PCDH11X: variants seen among roughly 807,000 people sequenced by gnomAD.
PCDH11X encodes the protein protocadherin 11 X-linked, also known as protocadherin-11 X-linked.
PCDH11X carries 18 observed loss-of-function variants against 53.3 expected under a neutral mutation model. The ratio of observed to expected loss-of-function variants is 0.34; its 90% CI spans 0.23 to 0.50. The LOEUF is 0.50. Ranked by LOEUF, PCDH11X falls within the 20% of genes least tolerant of loss-of-function variation. The probability of loss-of-function intolerance (pLI) is 0.98; values close to 1 mark genes in which losing one functional copy is unlikely to be tolerated. For missense variants in PCDH11X, 570 were observed against 1,032.4 expected (o/e 0.55, Z 6.14); for synonymous variants, 279 against 393.3 (o/e 0.71, Z 3.44).
chrX:92,021,954 C>T (rs1291549464), intron 6 of PCDH11X, among the ~76,000 whole-genome samples: 2 of 108,059 alleles, frequency 1.9e-5, no homozygotes, highest in African/African-American at 6.8e-5. Context: ...AAAATCTGTT[C>T]CAGACAAGCA....
At chrX:92,356,357 C>T in intron 8 of PCDH11X, among the ~76,000 whole-genome samples, 1 of 103,921 alleles carries the variant, frequency 9.6e-6, no homozygotes, top group Non-Finnish European at 2.0e-5. Flanking sequence ...TCTAATATGC[C>T]TGGCTATATG....
At chrX:92,419,655 CCCCT>C (rs1293881951) in intron 9 of PCDH11X, among the ~76,000 whole-genome samples, 1 of 99,394 alleles carries the variant, frequency 1.0e-5, no homozygotes, top group Non-Finnish European at 2.0e-5. Context: ...GTTTCTCTCT[CCCCT>C]CCCTCCACCC....
chrX:92,323,554 CT>C (rs898089682), intron 8 of PCDH11X, among the ~76,000 whole-genome samples: 2 of 108,713 alleles, frequency 1.8e-5, no homozygotes, highest in African/African-American at 6.7e-5. Flanking sequence ...TACTGGCTTT[CT>C]TTTTTTTTAA....
At chrX:92,444,030 T>C (rs1288436671) in intron 9 of PCDH11X, among the ~76,000 whole-genome samples, 7 of 111,028 alleles carry the variant, frequency 6.3e-5, no homozygotes, top group Non-Finnish European at 7.6e-5. Context: ...TTGTACCATA[T>C]GAATTTTAGA....
At chrX:92,524,221 G>T (rs1157004531) in intron 10 of PCDH11X, among the ~76,000 whole-genome samples, 1 of 105,221 alleles carries the variant, frequency 9.5e-6, no homozygotes, top group Non-Finnish European at 1.9e-5. Context: ...TTAAACAAAA[G>T]ATCTCTTTTC....
chrX:92,309,213 A>G (rs1167547164), intron 8 of PCDH11X, among the ~76,000 whole-genome samples: 1 of 112,445 alleles, frequency 8.9e-6, no homozygotes. Flanking sequence ...ACATTTTCAT[A>G]ACAGCAAAGA....
chrX:92,398,147 A>G (rs1408432550), intron 9 of PCDH11X, among the ~76,000 whole-genome samples: 1 of 112,046 alleles, frequency 8.9e-6, no homozygotes, highest in Non-Finnish European at 1.9e-5. Flanking sequence ...ATGGCGAAAG[A>G]TCTTAAACAA....
At chrX:92,331,536 C>T (rs2069490326) in intron 8 of PCDH11X, among the ~76,000 whole-genome samples, 1 of 107,063 alleles carries the variant, frequency 9.3e-6, no homozygotes, top group Non-Finnish European at 1.9e-5. Context: ...CTTTTGGTTT[C>T]GTTGGGAAAA....
In PCDH11X at chrX:92,484,171, ATATATG is replaced by A. The variant is rs757234661; in HGVS notation, c.3367+15853_3367+15858del. Among the ~76,000 whole-genome samples the A allele has an allele frequency of 1.4e-3, 70 of 50,168 alleles. No individual in the cohort carries two copies. In the South Asian group the frequency reaches 0.024, roughly 17 times the overall value. 43.6% of individuals were successfully genotyped at this position (50,168 alleles called of 115,157 possible). A position where few individuals can be genotyped will look rare whatever the true frequency, so the allele number is the denominator to read the frequency against. On this transcript the variant is annotated intron_variant, in intron 10 of 10. Coordinates refer to ENST00000682573, the MANE Select transcript of PCDH11X (RefSeq NM_032968.5). ...TATATGTATATATGTATATATGTAT[ATATATG>A]TATGTATATATATGTATATATGTAT...
At chrX:91,922,038 T>C (rs1200423662) in intron 6 of PCDH11X, among the ~76,000 whole-genome samples, 4 of 111,118 alleles carry the variant, frequency 3.6e-5, no homozygotes, top group Middle Eastern at 4.7e-3. Flanking sequence ...ATAAAATGTA[T>C]AGTTTTTAAA....
At chrX:91,839,385 G>A (rs1422652063) in intron 5 of PCDH11X, among the ~76,000 whole-genome samples, 1 of 106,807 alleles carries the variant, frequency 9.4e-6, no homozygotes, top group African/African-American at 3.4e-5. Context: ...AGGCTGAGGC[G>A]GGTGGATTAC....
intron 10 of PCDH11X, among the ~76,000 whole-genome samples, chrX:92,531,561 GAA>G (rs2074555281): frequency 9.1e-6 from 1 of 109,296 alleles, no homozygotes; most frequent in South Asian, 4.0e-4. Flanking sequence ...ATTGACATAT[GAA>G]GTTTTTTAAT....
chrX:92,039,155 G>A (rs2063173368), intron 6 of PCDH11X, among the ~76,000 whole-genome samples: 1 of 111,072 alleles, frequency 9.0e-6, no homozygotes, highest in African/African-American at 3.3e-5. Context: ...ACTGTGCTTG[G>A]GCAGACCTGA....
chrX:92,262,773 C>T (rs747953239), intron 7 of PCDH11X, among the ~76,000 whole-genome samples: 10 of 110,971 alleles, frequency 9.0e-5, no homozygotes, highest in Non-Finnish European at 1.7e-4. Flanking sequence ...TAAGTGACAC[C>T]ATAACAGAAT....
At chrX:91,810,873 A>T (rs1443406156) in intron 3 of PCDH11X, among the ~76,000 whole-genome samples, 2 of 111,813 alleles carry the variant, frequency 1.8e-5, no homozygotes, top group Non-Finnish European at 3.8e-5. Context: ...TGATAAGCCT[A>T]TGCAGATTAT....
intron 7 of PCDH11X, among the ~76,000 whole-genome samples, chrX:92,206,733 G>T (rs925239128): frequency 3.6e-5 from 4 of 110,039 alleles, no homozygotes; most frequent in African/African-American, 1.3e-4. Context: ...TACCATGTTG[G>T]CCAGGCTGGT....
intron 6 of PCDH11X, among the ~76,000 whole-genome samples, chrX:91,972,993 G>T (rs201327605): frequency 6.5e-5 from 7 of 107,476 alleles, no homozygotes; most frequent in Admixed American, 3.0e-4. Flanking sequence ...GCACACGTAT[G>T]TTTATTGTGG....
intron 1 of PCDH11X, among the ~76,000 whole-genome samples, chrX:91,792,873 A>C (rs1935602493): frequency 9.1e-6 from 1 of 110,317 alleles, no homozygotes; most frequent in East Asian, 2.9e-4. Flanking sequence ...TTTTCCCATT[A>C]ATAGATCACC....
intron 10 of PCDH11X, among the ~76,000 whole-genome samples, chrX:92,481,424 T>C (rs2148673768): frequency 9.0e-6 from 1 of 110,966 alleles, no homozygotes; most frequent in South Asian, 3.8e-4. Flanking sequence ...TAGGTGCAGT[T>C]GAGGGAGGGA....
Sources: gnomAD v4.1 joint callset for allele counts (sites outside exome capture counted in the v4.1 genomes callset) on GRCh38, gnomAD v4.1.1 for gene constraint, MANE v1.5 for transcripts, NCBI Gene and HGNC (gene_info 2026-07-23, HGNC 2026-07-21) for gene names.